MGAT5B: variants seen among roughly 807,000 people sequenced by gnomAD.
MGAT5B encodes the protein alpha-1,6-mannosylglycoprotein 6-beta-N-acetylglucosaminyltransferase B.
In MGAT5B, 54 loss-of-function variants were observed where a neutral mutation model predicts 95.1. The observed-to-expected ratio is 0.57, with a 90% CI of 0.46 to 0.71. The LOEUF is 0.71. Ranked by LOEUF, MGAT5B falls within the 30% of genes least tolerant of loss-of-function variation. MGAT5B has a pLI of 0.00. For missense variants in MGAT5B, 935 were observed against 1,088.6 expected (o/e 0.86, Z 1.99); for synonymous variants, 464 against 451.0 (o/e 1.03, Z -0.36).
intron 4 of MGAT5B, among the ~76,000 whole-genome samples, chr17:76,902,951 C>T (rs1968372243): frequency 6.6e-6 from 1 of 152,164 alleles, no homozygotes; most frequent in South Asian, 2.1e-4. Flanking sequence ...GGTCCCTCGG[C>T]GGCCCCTCCA....
chr17:76,900,640 C>T (rs571301315), intron 3 of MGAT5B, among the ~76,000 whole-genome samples: 5 of 152,220 alleles, frequency 3.3e-5, no homozygotes, highest in African/African-American at 4.8e-5. Flanking sequence ...AGTCTAAAGG[C>T]GCCGGCCCTG....
intron 3 of MGAT5B, among the ~76,000 whole-genome samples, chr17:76,902,217 C>T (rs487953): frequency 0.13 from 20,394 of 152,136 alleles, 1,781 homozygotes; most frequent in African/African-American, 0.22. Flanking sequence ...GGAAGGTGGA[C>T]ATGAGGCCTG....
chr17:76,907,240 G>A (rs1968565856), intron 8 of MGAT5B, among the ~76,000 whole-genome samples: 1 of 152,086 alleles, frequency 6.6e-6, no homozygotes, highest in Admixed American at 6.5e-5. Context: ...TAGTAGAGAT[G>A]GGGTTTCAGC....
chr17:76,915,751 C>T lies in MGAT5B; in HGVS notation c.1026-9215C>T, dbSNP rs934012936. On this transcript the variant is annotated intron_variant, in intron 8 of 17. Coordinates refer to ENST00000569840, the MANE Select transcript of MGAT5B (RefSeq NM_001199172.2). This position sits in a 1 kb window ranked among gnomAD's most constrained non-coding sequence, Gnocchi z 8.7. ...CGTTCCAAGAGGAGGCACGAGAGGCCGACGATTACAATTCACTAAAAATCC... is the reference window on the plus strand; with the variant it reads ...CGTTCCAAGAGGAGGCACGAGAGGCTGACGATTACAATTCACTAAAAATCC... Among the ~76,000 whole-genome samples, 2 of 152,188 alleles carry T rather than the reference C, an allele frequency of 1.3e-5. No individual in the cohort carries two copies. Among genetic ancestry groups the T allele is most frequent in the East Asian group, 1.9e-4 (1 of 5,192 alleles).
At chr17:76,945,224 T>G (rs1969996735) in intron 15 of MGAT5B, among the ~76,000 whole-genome samples, 1 of 152,222 alleles carries the variant, frequency 6.6e-6, no homozygotes, top group Non-Finnish European at 1.5e-5. Context: ...TCCCCTGGTT[T>G]CTTTTACCCA....
rs1159565876 is a variant in MGAT5B, at chr17:76,916,164, G to C, written c.1026-8802G>C. ...CTTGCAAGGCCTCGTCTCCCCTTATGCTCCACATAGCTGCACTGCCCTGGC... is the reference window on the plus strand; with the variant it reads ...CTTGCAAGGCCTCGTCTCCCCTTATCCTCCACATAGCTGCACTGCCCTGGC... On this transcript the variant is annotated intron_variant, in intron 8 of 17. Coordinates refer to ENST00000569840, the MANE Select transcript of MGAT5B (RefSeq NM_001199172.2). This position sits in a 1 kb window ranked among gnomAD's most constrained non-coding sequence, Gnocchi z 5.3. Among the ~76,000 whole-genome samples, 1 of 146,258 alleles carries C rather than the reference G, an allele frequency of 6.8e-6. No individual in the cohort carries two copies. Among genetic ancestry groups the C allele is most frequent in the Non-Finnish European group, 1.5e-5 (1 of 67,294 alleles).
Position 76,900,921 on chromosome 17 carries a change from ATG to A in MGAT5B, c.330-1629_330-1628del, listed in dbSNP as rs201766171. Among the ~76,000 whole-genome samples, 660 of 111,708 alleles carry A rather than the reference ATG, an allele frequency of 5.9e-3. 1 individual carries two copies. Among genetic ancestry groups the A allele is most frequent in the Non-Finnish European group, 7.5e-3 (432 of 57,286 alleles). The allele number at this position is 111,708 out of a possible 152,430, so 73.3% of individuals were successfully genotyped here. A position where few individuals can be genotyped will look rare whatever the true frequency, so the allele number is the denominator to read the frequency against. On this transcript the variant is annotated intron_variant, in intron 3 of 17. Transcript: ENST00000569840. Reference sequence around the variant, plus strand: ...TGCATGTGTGTGTGTGCGTGTGTACATGTGTGCGTGCGTGTTTGTGTGTGAGT... The same window carrying A: ...TGCATGTGTGTGTGTGCGTGTGTACATGTGCGTGCGTGTTTGTGTGTGAGT...
At chr17:76,936,687 C>T (rs28550478) in intron 12 of MGAT5B, among the ~76,000 whole-genome samples, 27,062 of 151,590 alleles carry the variant, frequency 0.18, 2,602 homozygotes, top group East Asian at 0.4. Flanking sequence ...TGACCATTTA[C>T]TGATGAAACC....
intron 3 of MGAT5B, among the ~76,000 whole-genome samples, chr17:76,893,036 G>A (rs1967934854): frequency 1.3e-5 from 2 of 152,182 alleles, no homozygotes; most frequent in South Asian, 4.1e-4. Flanking sequence ...ATGTGTGGGT[G>A]TGGACATCCC....
Position 76,870,176 on chromosome 17 carries a change from G to A in MGAT5B, c.68+1079G>A, listed in dbSNP as rs566616231. ...CCAGCCCCACTGTGGTCCCCCTGCC[G>A]GCTCCAGACGGGGATGGGGGCGGGG... On this transcript the variant is annotated intron_variant, in intron 1 of 17. Transcript: ENST00000569840. This position sits in a 1 kb window ranked among gnomAD's most constrained non-coding sequence, Gnocchi z 5.0. 8.2e-4 allele frequency among the ~76,000 whole-genome samples: 125 copies of A among 152,318 alleles called. No individual in the cohort carries two copies. Among genetic ancestry groups the A allele is most frequent in the African/African-American group, 2.9e-3 (120 of 41,578 alleles).
rs1209888264 is a variant in MGAT5B at position 76,869,936 on chromosome 17, G to A, written c.68+839G>A. Among the ~76,000 whole-genome samples, 1 of 152,150 alleles carries A rather than the reference G, an allele frequency of 6.6e-6. No individual in the cohort carries two copies. Among genetic ancestry groups the A allele is most frequent in the Non-Finnish European group, 1.5e-5 (1 of 68,012 alleles). Reference sequence around the variant, plus strand: ...TCCCAGGCATCCGCGGAACCGGCCCGCAGCGGGGTGGGGAGGGGGCGCTGC... The same window carrying A: ...TCCCAGGCATCCGCGGAACCGGCCCACAGCGGGGTGGGGAGGGGGCGCTGC... On this transcript the variant is annotated intron_variant, in intron 1 of 17. Transcript: ENST00000569840. This position sits in a 1 kb window ranked among gnomAD's most constrained non-coding sequence, Gnocchi z 7.0.
At chr17:76,897,037 A>G (rs563383206) in intron 3 of MGAT5B, among the ~76,000 whole-genome samples, 17 of 152,112 alleles carry the variant, frequency 1.1e-4, no homozygotes, top group East Asian at 1.9e-4. Context: ...TCCTGCCTCA[A>G]TCTGAGTAGC....
rs576188851 is a variant in MGAT5B, at chr17:76,941,421, A to G, written c.1848+573A>G. Among the ~76,000 whole-genome samples, 4 of 152,272 alleles carry G rather than the reference A, an allele frequency of 2.6e-5. No individual in the cohort carries two copies. In the South Asian group the frequency reaches 8.3e-4, roughly 32 times the overall value. On this transcript the variant is annotated intron_variant, in intron 15 of 17. Coordinates refer to ENST00000569840, the MANE Select transcript of MGAT5B (RefSeq NM_001199172.2). ...CCTGATGCTCATCTCCGCAGTGGAC[A>G]TGTTTGTGGCTTTTGATCGTGCCTT...
At chr17:76,885,198 CCT>C (rs1343362626) in intron 3 of MGAT5B, among the ~76,000 whole-genome samples, 1 of 152,172 alleles carries the variant, frequency 6.6e-6, no homozygotes, top group Non-Finnish European at 1.5e-5. Context: ...AGGCCGTTTT[CCT>C]CTCTGTGTGC....
chr17:76,873,767 A>G (rs979216684), intron 2 of MGAT5B, among the ~76,000 whole-genome samples: 5 of 152,184 alleles, frequency 3.3e-5, no homozygotes, highest in African/African-American at 1.2e-4. Flanking sequence ...GTCACTGGTC[A>G]AAAGGAGGGA....
chr17:76,892,433 G>C (rs1211176930), intron 3 of MGAT5B, among the ~76,000 whole-genome samples: 1 of 152,256 alleles, frequency 6.6e-6, no homozygotes, highest in African/African-American at 2.4e-5. Context: ...TGCCAGGCAA[G>C]AAGGAAACTG....
At chr17:76,886,872 C>T (rs946504431) in intron 3 of MGAT5B, among the ~76,000 whole-genome samples, 1 of 152,090 alleles carries the variant, frequency 6.6e-6, no homozygotes, top group Non-Finnish European at 1.5e-5. Context: ...GATGAAACCC[C>T]GTCTCTACTA....
At position 76,916,490 on chromosome 17, in the gene MGAT5B, G is replaced by A. The variant is rs1303374283; in HGVS notation, c.1026-8476G>A. Among the ~76,000 whole-genome samples the A allele has an allele frequency of 1.3e-5, 2 of 152,170 alleles. No individual in the cohort carries two copies. The highest frequency in any genetic ancestry group is 2.4e-5 in the African/African-American group (1 of 41,440). On this transcript the variant is annotated intron_variant, in intron 8 of 17. Transcript: ENST00000569840. The surrounding 1 kb of genome is among the most constrained non-coding windows in gnomAD (Gnocchi z 5.3). ...CCCAGGTGGAGTGGGGAGAACTTGG[G>A]GAGATCAGATAAGAAATGAGGACAG...
chr17:76,928,233 A>G (rs1222451184), intron 10 of MGAT5B, among the ~76,000 whole-genome samples: 1 of 151,878 alleles, frequency 6.6e-6, no homozygotes, highest in East Asian at 1.9e-4. Context: ...GTTGCATGAG[A>G]CTTCTTACTG....
Sources: gnomAD v4.1 joint callset for allele counts (sites outside exome capture counted in the v4.1 genomes callset) on GRCh38, gnomAD v4.1.1 for gene constraint, Gnocchi (gnomAD v3.1) non-coding constraint, MANE v1.5 for transcripts, NCBI Gene and HGNC (gene_info 2026-07-23, HGNC 2026-07-21) for gene names.